The following NF2 variants were observed in gnomAD, a reference collection of about 807,000 sequenced individuals.
NF2 encodes NF2, moesin-ezrin-radixin like (MERLIN) tumor suppressor, also known as merlin.
Under a neutral mutation model 83.7 loss-of-function variants are expected in NF2, and 8 were observed. The ratio of observed to expected loss-of-function variants is 0.10; its 90% confidence interval spans 0.06 to 0.17. NF2 has a LOEUF of 0.17. Among genes scored for constraint, NF2 ranks in the 10% least tolerant of loss-of-function variants. NF2 has a pLI of 1.00. For missense variants in NF2, 533 were observed against 744.4 expected (o/e 0.72, Z 3.31); for synonymous variants, 266 against 269.6 (o/e 0.99, Z 0.13).
At chr22:29,606,234 G>A (rs927275442) in intron 1 of NF2, among the ~76,000 whole-genome samples, 7 of 152,204 alleles carry the variant, frequency 4.6e-5, no homozygotes, top group African/African-American at 1.7e-4. Context: ...GATTATAGGC[G>A]TGAGCCACTG....
chr22:29,645,254 G>GGA (rs1319941330), intron 4 of NF2, among the ~76,000 whole-genome samples: 1 of 152,094 alleles, frequency 6.6e-6, no homozygotes, highest in Non-Finnish European at 1.5e-5. Context: ...CCCAGGGTGG[G>GGA]GAGAGAGCAT....
At chr22:29,661,060 C>A in intron 7 of NF2, 145 bp from the exon 8 acceptor site, 1 of 1,209,976 alleles carries the variant, frequency 8.3e-7, no homozygotes, top group East Asian at 2.3e-5. Flanking sequence ...CTGAAATCTT[C>A]TTGGTTTATA....
chr22:29,612,232 T>C (rs923451357), intron 1 of NF2, among the ~76,000 whole-genome samples: 1 of 152,096 alleles, frequency 6.6e-6, no homozygotes, highest in Admixed American at 6.6e-5. Context: ...GGTCTCGAAC[T>C]CCTGACCTCA....
chr22:29,622,953 CTTTTTTTTTTT>C (rs779748755), intron 1 of NF2, among the ~76,000 whole-genome samples: 1 of 94,736 alleles, frequency 1.1e-5, no homozygotes, highest in Non-Finnish European at 2.0e-5. Flanking sequence ...CGTGCCCGGC[CTTTTTTTTTTT>C]TTTTTTTTTT....
At chr22:29,643,706 G>A (rs2065880628) in intron 4 of NF2, among the ~76,000 whole-genome samples, 1 of 151,998 alleles carries the variant, frequency 6.6e-6, no homozygotes, top group Non-Finnish European at 1.5e-5. Context: ...ACACAGACAC[G>A]GCAACCATCC....
At chr22:29,689,516 T>G (rs982824201) in intron 15 of NF2, among the ~76,000 whole-genome samples, 1 of 152,056 alleles carries the variant, frequency 6.6e-6, no homozygotes, top group African/African-American at 2.4e-5. Flanking sequence ...TGCATTTTTA[T>G]GGGACAAGCA....
chr22:29,688,819 A>C (rs759334597), intron 15 of NF2, among the ~76,000 whole-genome samples: 1 of 152,310 alleles, frequency 6.6e-6, no homozygotes, highest in Non-Finnish European at 1.5e-5. Flanking sequence ...AAGTGTGTGG[A>C]TAGTGCTCCC....
intron 10 of NF2, among the ~76,000 whole-genome samples, chr22:29,671,316 G>A (rs1200952522): frequency 6.6e-6 from 1 of 152,182 alleles, no homozygotes; most frequent in Non-Finnish European, 1.5e-5. Flanking sequence ...GGATCATAAG[G>A]TCAGGAGTTC....
chr22:29,687,680 G>A lies in NF2; in HGVS notation c.1737+6079G>A, dbSNP rs370589040. Among the ~76,000 whole-genome samples the A allele has an allele frequency of 1.4e-4, 22 of 152,304 alleles. No individual in the cohort carries two copies. In the East Asian group the frequency reaches 3.3e-3, roughly 23 times the overall value. On this transcript the variant is annotated intron_variant, in intron 15 of 15. Transcript: ENST00000338641. ...GCTCTGCTTGCTTTAGGAACTGGGC[G>A]TTGTATGGTAGAGCATCTTGGCCTT...
In NF2 at chr22:29,636,714, G is replaced by T. The variant is rs2065656363; in HGVS notation, c.115-37G>T. ...AGAAAAGGTTTTATTAATGATTTTT[G>T]CTCACAGTGTCCTTCCCCATTGGTT... On this transcript the variant is annotated intron_variant, in intron 1 of 15. Coordinates refer to ENST00000338641, the MANE Select transcript of NF2 (RefSeq NM_000268.4). The surrounding 1 kb of genome is among the most constrained non-coding windows in gnomAD (Gnocchi z 4.4). 1.2e-6 allele frequency: 2 copies of T among 1,613,866 alleles called. No homozygotes were observed. Among genetic ancestry groups the T allele is most frequent in the South Asian group, 2.2e-5 (2 of 91,082 alleles).
chr22:29,636,705 A>G lies in NF2; in HGVS notation c.115-46A>G. 6.2e-7 allele frequency: 1 copy of G among 1,613,908 alleles called. No homozygotes were observed. The highest frequency in any genetic ancestry group is 1.7e-5 in the Admixed American group (1 of 60,028). ...AGAGTGCAGAGAAAAGGTTTTATTA[A>G]TGATTTTTGCTCACAGTGTCCTTCC... On this transcript the variant is annotated intron_variant, in intron 1 of 15. Transcript: ENST00000338641. The surrounding 1 kb of genome is among the most constrained non-coding windows in gnomAD (Gnocchi z 4.4).
At chr22:29,642,894 C>T (rs1448810921) in intron 4 of NF2, among the ~76,000 whole-genome samples, 1 of 152,136 alleles carries the variant, frequency 6.6e-6, no homozygotes, top group Non-Finnish European at 1.5e-5. Context: ...GTGCTGTGGC[C>T]CACCAAGCCC....
At chr22:29,644,130 G>A (rs1304944463) in intron 4 of NF2, among the ~76,000 whole-genome samples, 5 of 151,756 alleles carry the variant, frequency 3.3e-5, no homozygotes, top group African/African-American at 4.8e-5. Flanking sequence ...CATATGGGGC[G>A]GCTGCCTGGC....
At chr22:29,617,620 A>T (rs1329587616) in intron 1 of NF2, among the ~76,000 whole-genome samples, 1 of 152,252 alleles carries the variant, frequency 6.6e-6, no homozygotes, top group Non-Finnish European at 1.5e-5. Flanking sequence ...ATAGAAAAGG[A>T]TAATAGTAGT....
At position 29,694,650 on chromosome 22, in the gene NF2, G is replaced by C; in HGVS notation, c.1738-102G>C. ...ATCTATTTGAACAGCCTTCCCTTTC[G>C]CTCCCAGCCACCTTTGAGGTGAGTC... On this transcript the variant is annotated intron_variant, in intron 15 of 15. Coordinates refer to ENST00000338641, the MANE Select transcript of NF2 (RefSeq NM_000268.4). This position sits in a 1 kb window ranked among gnomAD's most constrained non-coding sequence, Gnocchi z 4.1. 1 of 1,232,046 alleles carries C rather than the reference G, an allele frequency of 8.1e-7. No individual in the cohort carries two copies. The highest frequency in any genetic ancestry group is 1.2e-6 in the Non-Finnish European group (1 of 851,266). 76.3% of individuals were successfully genotyped at this position (1,232,046 alleles called of 1,614,324 possible).
At chr22:29,653,719 G>A (rs905042031) in intron 4 of NF2, among the ~76,000 whole-genome samples, 10 of 152,172 alleles carry the variant, frequency 6.6e-5, no homozygotes, top group African/African-American at 1.9e-4. Flanking sequence ...AGAACATAAC[G>A]AAATAATGAG....
chr22:29,684,361 C>T (rs1265019196), intron 15 of NF2, among the ~76,000 whole-genome samples: 2 of 151,258 alleles, frequency 1.3e-5, no homozygotes, highest in African/African-American at 4.8e-5. Flanking sequence ...CAGGTGGACC[C>T]ACCTTGGTTT....
In NF2 at chr22:29,694,686, G is replaced by A; in HGVS notation, c.1738-66G>A. The A allele has an allele frequency of 1.3e-6, 2 of 1,552,338 alleles. No homozygotes were observed. The highest frequency in any genetic ancestry group is 2.3e-5 in the South Asian group (2 of 86,680). ...CCTTTGAGGTGAGTCCAAGTGGCAG[G>A]ACAGGACCCTGTGTGACAGAGCGGA... On this transcript the variant is annotated intron_variant, in intron 15 of 15. Coordinates refer to ENST00000338641, the MANE Select transcript of NF2 (RefSeq NM_000268.4). The surrounding 1 kb of genome is among the most constrained non-coding windows in gnomAD (Gnocchi z 4.1).
At chr22:29,635,034 G>A (rs1198297788) in intron 1 of NF2, among the ~76,000 whole-genome samples, 3 of 152,128 alleles carry the variant, frequency 2.0e-5, no homozygotes, top group East Asian at 1.9e-4. Context: ...TAGGAGAAAC[G>A]GCCCTGCTAA....
Sources: allele counts gnomAD v4.1 joint callset (sites outside exome capture counted in the v4.1 genomes callset), GRCh38; gene constraint gnomAD v4.1.1; non-coding constraint Gnocchi (gnomAD v3.1); transcripts MANE v1.5; gene names NCBI Gene and HGNC (gene_info 2026-07-23, HGNC 2026-07-21).